Variants in MAP3K15 observed in about 807,000 individuals in gnomAD.
MAP3K15 encodes mitogen-activated protein kinase kinase kinase 15, also known as MAPK/ERK kinase kinase 15.
Under a neutral mutation model 99.5 loss-of-function variants are expected in MAP3K15, and 124 were observed. The observed-to-expected ratio is 1.25, with a 90% CI of 1.08 to 1.45. The LOEUF (loss-of-function observed/expected upper bound fraction) is 1.45. MAP3K15 is among the 40% of genes most tolerant of loss of function. The pLI, the probability that MAP3K15 is intolerant of heterozygous loss-of-function variation, is 0.00. For missense variants in MAP3K15, 1,242 were observed against 1,079.7 expected (o/e 1.15, Z -2.11); for synonymous variants, 494 against 439.6 (o/e 1.12, Z -1.55).
At chrX:19,454,753 A>AT (rs2064080120) in intron 6 of MAP3K15, among the ~76,000 whole-genome samples, 2 of 111,857 alleles carry the variant, frequency 1.8e-5, no homozygotes, top group African/African-American at 3.2e-5. Flanking sequence ...AACTATATAT[A>AT]CCAGTTAGGT....
rs1165786720 is a variant in MAP3K15, at chrX:19,369,198, G to A, written c.3422C>T (p.Pro1141Leu). ...LIPELRAHFE[P>L]TCETEGVDKD... Reference sequence around the variant, plus strand: ...ATCTACCCCTTCAGTCTCACAGGTAGGCTCAAAGTGGGCTCGGAGCTCTGC... The same window carrying A: ...ATCTACCCCTTCAGTCTCACAGGTAAGCTCAAAGTGGGCTCGGAGCTCTGC... The change falls in exon 25 of 29, where the codon CCT becomes CTT. Residue 1141 changes from proline (P) to leucine (L), a missense_variant. Physicochemically the swap from Pro to Leu is moderately conservative, Grantham distance 98. Coordinates refer to ENST00000338883, the MANE Select transcript of MAP3K15 (RefSeq NM_001001671.4). 3 of 1,209,457 alleles carry A rather than the reference G, an allele frequency of 2.5e-6. No homozygotes were observed. Among genetic ancestry groups the A allele is most frequent in the Non-Finnish European group, 3.4e-6 (3 of 895,047 alleles).
At chrX:19,406,108 T>C (rs1397134918) in intron 13 of MAP3K15, among the ~76,000 whole-genome samples, 4 of 111,629 alleles carry the variant, frequency 3.6e-5, no homozygotes, top group Non-Finnish European at 5.6e-5. Context: ...TAACTAGTGT[T>C]GGCAAGGACG....
chrX:19,369,015 C>T (rs1305350656), intron 25 of MAP3K15, 39 bp downstream of exon 25: 1 of 1,145,270 alleles, frequency 8.7e-7, no homozygotes, highest in Admixed American at 2.7e-5. Flanking sequence ...GCCACTGTCC[C>T]AGCGCCTGCT....
intron 21 of MAP3K15, chrX:19,373,246 G>A (rs1484611134): frequency 1.6e-5 from 4 of 257,393 alleles, no homozygotes; most frequent in Non-Finnish European, 2.6e-5. Flanking sequence ...GGAGAGAGAG[G>A]GGGAAGAGGA....
chrX:19,463,499 C>A (rs2064145358), intron 4 of MAP3K15, among the ~76,000 whole-genome samples: 1 of 111,963 alleles, frequency 8.9e-6, no homozygotes, highest in Non-Finnish European at 1.9e-5. Flanking sequence ...AAATTGGCTG[C>A]AAGCAAAATA....
chrX:19,396,067 T>C (rs1287234744), intron 15 of MAP3K15, among the ~76,000 whole-genome samples: 1 of 111,856 alleles, frequency 8.9e-6, no homozygotes, highest in East Asian at 2.8e-4. Context: ...GAGTAATTCA[T>C]TCCTCTTCTG....
At chrX:19,488,804 CAGG>C (rs2064347323) in intron 2 of MAP3K15, 21 bp downstream of exon 2, 1 of 1,178,309 alleles carries the variant, frequency 8.5e-7, no homozygotes, top group African/African-American at 1.7e-5. Flanking sequence ...ACAAAGTACT[CAGG>C]AGAAGGTGAA....
intron 3 of MAP3K15, among the ~76,000 whole-genome samples, chrX:19,473,249 C>A (rs1042402414): frequency 1.8e-5 from 2 of 111,974 alleles, no homozygotes; most frequent in African/African-American, 6.5e-5. Context: ...GGACTAACAA[C>A]TACATTTTAA....
At chrX:19,460,861 G>A (rs1444593348) in intron 4 of MAP3K15, among the ~76,000 whole-genome samples, 17 of 109,940 alleles carry the variant, frequency 1.5e-4, no homozygotes, top group Non-Finnish European at 2.8e-4. Context: ...TGCAACCTCC[G>A]CCTCCCTGGT....
Position 19,407,209 on chromosome X carries a change from G to T in MAP3K15, c.1823C>A (p.Ser608Tyr). Reference protein sequence around the residue: ...DNSDDFQIYFSTEEQCSRFFS... With the variant: ...DNSDDFQIYFYTEEQCSRFFS... ...TCACCTACTGCACTGCTCTTCGGTGGAAAAGTAGATTTGAAAGTCATCAGA... is the reference window on the plus strand; with the variant it reads ...TCACCTACTGCACTGCTCTTCGGTGTAAAAGTAGATTTGAAAGTCATCAGA... The change falls in exon 13 of 29, where the codon TCC becomes TAC. Residue 608 changes from serine (S) to tyrosine (Y), a missense_variant. Transcript: ENST00000338883. 8.4e-7 allele frequency: 1 copy of T among 1,196,044 alleles called. No homozygotes were observed. The highest frequency in any genetic ancestry group is 1.1e-6 in the Non-Finnish European group (1 of 887,125).
Position 19,398,286 on chromosome X carries a change from C to T in MAP3K15, c.2006G>A (p.Gly669Asp). 8.3e-7 allele frequency: 1 copy of T among 1,210,947 alleles called. No individual in the cohort carries two copies. Among genetic ancestry groups the T allele is most frequent in the African/African-American group, 1.7e-5 (1 of 57,575 alleles). ...TCGCACTTGATTGCTCAGATCTCGG[C>T]CAGCATACACAATCCCATACGTGCC... Reference protein sequence around the residue: ...GKGTYGIVYAGRDLSNQVRIA... With the variant: ...GKGTYGIVYADRDLSNQVRIA... The change falls in exon 15 of 29, where the codon GGC (glycine) becomes GAC (aspartate). Residue 669 changes from glycine (G) to aspartate (D), a missense_variant. Transcript: ENST00000338883.
chrX:19,385,613 A>G, intron 18 of MAP3K15, among the ~76,000 whole-genome samples: 1 of 111,280 alleles, frequency 9.0e-6, no homozygotes, highest in East Asian at 2.8e-4. Flanking sequence ...AGCCTTGTCC[A>G]TCTGACTCAA....
chrX:19,401,463 T>C (rs201311363), intron 13 of MAP3K15, among the ~76,000 whole-genome samples: 1 of 111,462 alleles, frequency 9.0e-6, no homozygotes, highest in Non-Finnish European at 1.9e-5. Context: ...TCCGAAAGTG[T>C]TGGGAGGCAT....
intron 1 of MAP3K15, among the ~76,000 whole-genome samples, chrX:19,505,730 G>A (rs947147311): frequency 4.6e-5 from 5 of 109,264 alleles, no homozygotes; most frequent in African/African-American, 1.3e-4. Context: ...CAATAACTAC[G>A]AGCATAAATC....
intron 6 of MAP3K15, among the ~76,000 whole-genome samples, chrX:19,436,639 G>A (rs781277519): frequency 1.4e-4 from 16 of 111,232 alleles, no homozygotes; most frequent in Non-Finnish European, 2.5e-4. Context: ...CAACTCATTT[G>A]CATGTTGATA....
At chrX:19,511,531 G>A (rs1234383567) in intron 1 of MAP3K15, among the ~76,000 whole-genome samples, 1 of 111,613 alleles carries the variant, frequency 9.0e-6, no homozygotes, top group Admixed American at 9.5e-5. Flanking sequence ...CTTTTCAAAA[G>A]AAGACATTTA....
intron 1 of MAP3K15, among the ~76,000 whole-genome samples, chrX:19,512,695 G>A (rs1475538665): frequency 1.2e-5 from 1 of 85,830 alleles, no homozygotes; most frequent in African/African-American, 4.9e-5. Flanking sequence ...CTGTACTCAA[G>A]CAATCCTCCC....
intron 6 of MAP3K15, among the ~76,000 whole-genome samples, chrX:19,435,328 C>T (rs1272133458): frequency 7.3e-5 from 8 of 109,148 alleles, no homozygotes; most frequent in African/African-American, 1.0e-4. Flanking sequence ...CAGGCTCAAG[C>T]GATCCACCCA....
chrX:19,365,205 T>C (rs1269966722), intron 25 of MAP3K15, among the ~76,000 whole-genome samples: 2 of 94,697 alleles, frequency 2.1e-5, no homozygotes, highest in East Asian at 6.1e-4. Flanking sequence ...TCAAACTCCA[T>C]CTCAAAAAAA....
Sources: gnomAD v4.1 joint callset for allele counts (sites outside exome capture counted in the v4.1 genomes callset) on GRCh38, gnomAD v4.1.1 for gene constraint, MANE v1.5 for transcripts, NCBI Gene and HGNC (gene_info 2026-07-23, HGNC 2026-07-21) for gene names.